The following LRRC4B variants were observed in gnomAD, a reference collection of about 807,000 sequenced individuals.
LRRC4B encodes leucine rich repeat containing 4B, also known as leucine-rich repeat-containing protein 4B.
In LRRC4B, 1 loss-of-function variant was observed where a neutral mutation model predicts 7.3. The ratio of observed to expected loss-of-function variants is 0.14; its 90% confidence interval spans 0.05 to 0.65. The LOEUF (loss-of-function observed/expected upper bound fraction) is 0.65, where lower values mean the gene tolerates loss of function less well. LRRC4B is among the 30% of genes least tolerant of loss of function. The probability of loss-of-function intolerance (pLI) is 0.84; values close to 1 mark genes in which losing one functional copy is unlikely to be tolerated. For synonymous variants in LRRC4B, 500 were observed against 499.2 expected (o/e 1.00, Z -0.02); for missense variants, 730 against 1,041.6 (o/e 0.70, Z 4.12).
At chr19:50,529,063 G>T (rs770220932) in intron 2 of LRRC4B, among the ~76,000 whole-genome samples, 8 of 152,122 alleles carry the variant, frequency 5.3e-5, no homozygotes, top group Non-Finnish European at 8.8e-5. Flanking sequence ...CTCTGCCAGG[G>T]GACCCCCCCA....
Position 50,556,019 on chromosome 19 carries a change from T to G in LRRC4B, c.-35-7146A>C, listed in dbSNP as rs1468390610. 2.0e-5 allele frequency among the ~76,000 whole-genome samples: 3 copies of G among 152,086 alleles called. No individual in the cohort carries two copies. Among genetic ancestry groups the G allele is most frequent in the Non-Finnish European group, 4.4e-5 (3 of 68,014 alleles). On this transcript the variant is annotated intron_variant, in intron 1 of 2. Coordinates refer to ENST00000652263, the MANE Select transcript of LRRC4B (RefSeq NM_001080457.2). This position sits in a 1 kb window ranked among gnomAD's most constrained non-coding sequence, Gnocchi z 4.2. The stretch of plus-strand genomic sequence containing the variant: ...TTCTGGGGGAGGGGACAGGCAGCGC[T>G]GGCGTTCTGAGCCAATCCATGTCCT...
chr19:50,561,017 G>T (rs1982444889), intron 1 of LRRC4B, among the ~76,000 whole-genome samples: 1 of 152,114 alleles, frequency 6.6e-6, no homozygotes, highest in Non-Finnish European at 1.5e-5. Flanking sequence ...CTTGAACCTG[G>T]GAGGTGGAGG....
chr19:50,517,552 C>A lies in LRRC4B; in HGVS notation c.*19G>T, dbSNP rs1980326163. 2.1e-6 allele frequency: 3 copies of A among 1,414,502 alleles called. No homozygotes were observed. The highest frequency in any genetic ancestry group is 2.8e-6 in the Non-Finnish European group (3 of 1,083,788). 87.6% of individuals were successfully genotyped at this position (1,414,502 alleles called of 1,614,324 possible). ...TGGGTGGGGGGCTCCACGCCCCTCG[C>A]CCGCCCGGCCCCGCCGCCTCAGATC... On this transcript the variant is annotated 3_prime_UTR_variant, in exon 3 of 3. Coordinates refer to ENST00000652263, the MANE Select transcript of LRRC4B (RefSeq NM_001080457.2). The surrounding 1 kb of genome is among the most constrained non-coding windows in gnomAD (Gnocchi z 6.6).
rs752517884 is a variant in LRRC4B, at chr19:50,518,267, G to A, written c.1446C>T (p.Gly482=). The stretch of plus-strand genomic sequence containing the variant: ...TCACCGTGGTGAAGTAGGTGTAGCC[G>A]CCACTGCCCCCTCCAACACCACCAC... The part of the protein sequence containing the change: ...GGSGGVGGGS[G]GYTYFTTVTV... Residue 482 remains glycine, a synonymous_variant, in exon 3 of 3, where the codon GGC becomes GGT. Coordinates refer to ENST00000652263, the MANE Select transcript of LRRC4B (RefSeq NM_001080457.2). 4.4e-6 allele frequency: 7 copies of A among 1,600,170 alleles called. No individual in the cohort carries two copies. The Admixed American group carries it at 5.1e-5, about 12-fold the overall frequency.
intron 2 of LRRC4B, among the ~76,000 whole-genome samples, chr19:50,541,386 A>AAAAG (rs1981544534): frequency 1.3e-5 from 1 of 78,312 alleles, no homozygotes; most frequent in African/African-American, 5.3e-5. Context: ...AAAAAAAAAG[A>AAAAG]AAAAGAAAAA....
chr19:50,536,155 A>G (rs769642650), intron 2 of LRRC4B, among the ~76,000 whole-genome samples: 18 of 147,398 alleles, frequency 1.2e-4, no homozygotes, highest in Non-Finnish European at 2.2e-4. Context: ...TTTTTTTATG[A>G]TGGAGTCTCG....
chr19:50,536,772 C>T (rs1447639767), intron 2 of LRRC4B, among the ~76,000 whole-genome samples: 1 of 152,106 alleles, frequency 6.6e-6, no homozygotes, highest in Non-Finnish European at 1.5e-5. Context: ...GCACATCTGT[C>T]TGTGACTATT....
chr19:50,521,942 G>A (rs536800690), intron 2 of LRRC4B, among the ~76,000 whole-genome samples: 2 of 152,106 alleles, frequency 1.3e-5, no homozygotes, highest in Non-Finnish European at 2.9e-5. Flanking sequence ...TTGGGAGGCC[G>A]AGGTGGGAGG....
chr19:50,559,633 G>A (rs1225430540), intron 1 of LRRC4B, among the ~76,000 whole-genome samples: 2 of 152,234 alleles, frequency 1.3e-5, no homozygotes, highest in East Asian at 1.9e-4. Flanking sequence ...AGGTTGGGAG[G>A]GGCGTGGCCC....
chr19:50,549,229 A>C (rs532504520), intron 1 of LRRC4B, among the ~76,000 whole-genome samples: 6 of 152,324 alleles, frequency 3.9e-5, no homozygotes, highest in Admixed American at 6.5e-5. Context: ...GCATGACTTC[A>C]AAAAGGTAGA....
At chr19:50,524,813 TC>T (rs1289562771) in intron 2 of LRRC4B, among the ~76,000 whole-genome samples, 1 of 152,136 alleles carries the variant, frequency 6.6e-6, no homozygotes, top group Non-Finnish European at 1.5e-5. Flanking sequence ...ACGCATGCAG[TC>T]CCCGAGCCCA....
intron 1 of LRRC4B, among the ~76,000 whole-genome samples, chr19:50,558,159 C>T (rs1453514874): frequency 2.0e-5 from 3 of 151,940 alleles, no homozygotes; most frequent in Non-Finnish European, 4.4e-5. Flanking sequence ...AGGGGGCTGG[C>T]ACCCCTAGCC....
chr19:50,518,478 C>T lies in LRRC4B; in HGVS notation c.1235G>A (p.Arg412His). The T allele has an allele frequency of 6.4e-7, 1 of 1,555,102 alleles. No individual in the cohort carries two copies. Residue 412 changes from arginine to histidine, a missense_variant, in exon 3 of 3, where the codon CGC (arginine) becomes CAC (histidine). Around this residue, in one of 6 missense-constraint regions of LRRC4B, gnomAD observed 226 missense variants for 448.0 expected, o/e 0.50. Transcript: ENST00000652263. ...CGTGCCGTCATGCAGGACGGAGATG[C>T]GCACGCGGTAGGAGCCGTGGGTCAT... ...TLMTHGSYRVRISVLHDGTLN... is the reference protein window; with the variant it reads ...TLMTHGSYRVHISVLHDGTLN...
chr19:50,551,232 C>T (rs1982045520), intron 1 of LRRC4B, among the ~76,000 whole-genome samples: 1 of 151,274 alleles, frequency 6.6e-6, no homozygotes, highest in Admixed American at 6.6e-5. Context: ...TGCGCCCAGG[C>T]CCCCCCCTCC....
At chr19:50,544,004 G>T (rs1430263878) in intron 2 of LRRC4B, among the ~76,000 whole-genome samples, 1 of 151,884 alleles carries the variant, frequency 6.6e-6, no homozygotes, top group Non-Finnish European at 1.5e-5. Flanking sequence ...TCAGGAGTTC[G>T]AGACCAGCCT....
Position 50,548,448 on chromosome 19 carries a change from C to A in LRRC4B, c.297+94G>T. The A allele has an allele frequency of 6.7e-7, 1 of 1,488,656 alleles. No homozygotes were observed. Among genetic ancestry groups the A allele is most frequent in the Non-Finnish European group, 9.0e-7 (1 of 1,109,614 alleles). 92.2% of individuals were successfully genotyped at this position (1,488,656 alleles called of 1,614,324 possible). A position where few individuals can be genotyped will look rare whatever the true frequency, so the allele number is the denominator to read the frequency against. On this transcript the variant is annotated intron_variant, in intron 2 of 2. Coordinates refer to ENST00000652263, the MANE Select transcript of LRRC4B (RefSeq NM_001080457.2). This position sits in a 1 kb window ranked among gnomAD's most constrained non-coding sequence, Gnocchi z 6.8. ...CCACAGGTGCCGGAGACGGGGAAGC[C>A]CCGGTGTGGGGAGGCCCAGAAGGGA...
intron 2 of LRRC4B, among the ~76,000 whole-genome samples, chr19:50,543,531 C>G (rs1241334460): frequency 6.6e-6 from 1 of 151,992 alleles, no homozygotes; most frequent in African/African-American, 2.4e-5. Flanking sequence ...GATGTCCCCC[C>G]GGTGTTGTTC....
chr19:50,548,875 TGTGG>T lies in LRRC4B; in HGVS notation c.-35-6_-35-3del. ...ATGCTCCGCGTGGACGCTGGGGGGC[TGTGG>T]GTGGGGGAGAGAAGGGGGAGAGGCT... On this transcript the variant is annotated splice_polypyrimidine_tract_variant and splice_region_variant and intron_variant, in intron 1 of 2. Coordinates refer to ENST00000652263, the MANE Select transcript of LRRC4B (RefSeq NM_001080457.2). This position sits in a 1 kb window ranked among gnomAD's most constrained non-coding sequence, Gnocchi z 6.8. 1.2e-6 allele frequency: 1 copy of T among 803,602 alleles called. No homozygotes were observed. Among genetic ancestry groups the T allele is most frequent in the Non-Finnish European group, 1.6e-6 (1 of 627,712 alleles). 49.8% of individuals were successfully genotyped at this position (803,602 alleles called of 1,614,324 possible).
chr19:50,533,943 C>T (rs1255198450), intron 2 of LRRC4B, among the ~76,000 whole-genome samples: 1 of 152,218 alleles, frequency 6.6e-6, no homozygotes, highest in Non-Finnish European at 1.5e-5. Flanking sequence ...GGAGTCTCCA[C>T]CACACCTACC....
Sources: allele counts gnomAD v4.1 joint callset (sites outside exome capture counted in the v4.1 genomes callset), GRCh38; gene constraint gnomAD v4.1.1; regional missense constraint gnomAD v4.1.1; non-coding constraint Gnocchi (gnomAD v3.1); transcripts MANE v1.5; gene names NCBI Gene and HGNC (gene_info 2026-07-23, HGNC 2026-07-21).